Variants in SLC24A2 observed in about 807,000 individuals in gnomAD.
SLC24A2 encodes sodium/potassium/calcium exchanger 2.
SLC24A2 carries 36 observed loss-of-function variants against 62.0 expected under a neutral mutation model. The ratio of observed to expected loss-of-function variants is 0.58; its 90% CI spans 0.44 to 0.77. SLC24A2 has a LOEUF of 0.77. Among genes scored for constraint, SLC24A2 ranks in the 30% least tolerant of loss-of-function variants. SLC24A2 has a pLI of 0.00. For synonymous variants in SLC24A2, 358 were observed against 294.0 expected (o/e 1.22, Z -2.23); for missense variants, 846 against 817.9 (o/e 1.03, Z -0.42).
intron 2 of SLC24A2, among the ~76,000 whole-genome samples, chr9:19,713,991 A>G (rs1320945595): frequency 6.6e-6 from 1 of 152,230 alleles, no homozygotes; most frequent in African/African-American, 2.4e-5. Context: ...ACCTGGATCT[A>G]GCCAATTATT....
At chr9:20,104,213 C>T in the SLC24A2 span, among the ~76,000 whole-genome samples, 1 of 152,212 alleles carries the variant, frequency 6.6e-6, no homozygotes, top group African/African-American at 2.4e-5. Context: ...AAGACCAAAT[C>T]TACATCTGAT....
chr9:20,305,111 T>C, the SLC24A2 span, among the ~76,000 whole-genome samples: 2 of 82,470 alleles, frequency 2.4e-5, no homozygotes, highest in African/African-American at 9.8e-5. Context: ...GGATAATACC[T>C]TTTTTTTTTT....
the SLC24A2 span, among the ~76,000 whole-genome samples, chr9:20,111,607 G>A: frequency 6.6e-6 from 1 of 152,126 alleles, no homozygotes. Context: ...CTGAGAGCTT[G>A]TTAGAAATGT....
At chr9:19,602,731 T>G (rs192687849) in intron 4 of SLC24A2, among the ~76,000 whole-genome samples, 2 of 152,316 alleles carry the variant, frequency 1.3e-5, no homozygotes, top group African/African-American at 4.8e-5. Flanking sequence ...TTTCTACCTG[T>G]GTGGTCTTGG....
chr9:19,730,678 T>C (rs1414516155), intron 2 of SLC24A2, among the ~76,000 whole-genome samples: 1 of 152,200 alleles, frequency 6.6e-6, no homozygotes, highest in Non-Finnish European at 1.5e-5. Flanking sequence ...CATATGTATA[T>C]TGACAATGGT....
At chr9:19,969,186 C>CACACAA in the SLC24A2 span, among the ~76,000 whole-genome samples, 4 of 132,234 alleles carry the variant, frequency 3.0e-5, no homozygotes, top group African/African-American at 1.1e-4. Flanking sequence ...TCCTTTGCCA[C>CACACAA]ACACACACAC....
the SLC24A2 span, among the ~76,000 whole-genome samples, chr9:20,224,016 T>C: frequency 6.6e-6 from 1 of 151,906 alleles, no homozygotes; most frequent in Non-Finnish European, 1.5e-5. Context: ...ACAAACACTT[T>C]AAACCATCAG....
At chr9:19,930,224 C>T in the SLC24A2 span, among the ~76,000 whole-genome samples, 2 of 152,172 alleles carry the variant, frequency 1.3e-5, no homozygotes, top group Admixed American at 1.3e-4. Flanking sequence ...ACTTCCAGTC[C>T]TGCAAGCTCC....
At chr9:20,105,772 C>T in the SLC24A2 span, among the ~76,000 whole-genome samples, 14 of 152,120 alleles carry the variant, frequency 9.2e-5, no homozygotes, top group Admixed American at 3.3e-4. Context: ...GACACCCTAA[C>T]ATCACAATTA....
chr9:20,253,779 G>C, the SLC24A2 span, among the ~76,000 whole-genome samples: 101,495 of 152,036 alleles, frequency 0.67, 36,396 homozygotes, highest in East Asian at 0.95. Context: ...ACTTGGAGGA[G>C]AGAGTGACAC....
At chr9:20,071,263 G>A in the SLC24A2 span, among the ~76,000 whole-genome samples, 1 of 151,870 alleles carries the variant, frequency 6.6e-6, no homozygotes, top group East Asian at 1.9e-4. Flanking sequence ...TGGAATAATG[G>A]AGCCAGCAAG....
At chr9:20,191,453 A>G in the SLC24A2 span, among the ~76,000 whole-genome samples, 2 of 152,044 alleles carry the variant, frequency 1.3e-5, no homozygotes, top group Non-Finnish European at 2.9e-5. Flanking sequence ...TAAGTACACT[A>G]TAGGAGGTGA....
chr9:20,078,941 C>T, the SLC24A2 span, among the ~76,000 whole-genome samples: 1 of 152,192 alleles, frequency 6.6e-6, no homozygotes, highest in African/African-American at 2.4e-5. Flanking sequence ...ACACTAGTAA[C>T]TTTTTGTAGT....
the SLC24A2 span, among the ~76,000 whole-genome samples, chr9:20,070,598 C>T: frequency 6.6e-6 from 1 of 152,192 alleles, no homozygotes; most frequent in Non-Finnish European, 1.5e-5. Flanking sequence ...GGACTTTGCA[C>T]AGAATAACAG....
the SLC24A2 span, among the ~76,000 whole-genome samples, chr9:20,093,870 T>G: frequency 6.6e-6 from 1 of 152,206 alleles, no homozygotes. Flanking sequence ...GATACCCGAT[T>G]TACTCTGAAA....
chr9:20,079,521 C>T, the SLC24A2 span, among the ~76,000 whole-genome samples: 11 of 152,150 alleles, frequency 7.2e-5, no homozygotes, highest in African/African-American at 2.4e-4. Context: ...GGACATACTG[C>T]ACATTGGCCA....
chr9:20,035,187 A>C, the SLC24A2 span, among the ~76,000 whole-genome samples: 1 of 152,154 alleles, frequency 6.6e-6, no homozygotes, highest in Non-Finnish European at 1.5e-5. Flanking sequence ...CTGAACATCC[A>C]CAACAGTTAG....
rs965730041 is a variant in SLC24A2 at position 19,785,873 on chromosome 9, A to C, written c.930+64T>G. 5 of 1,609,544 alleles carry C rather than the reference A, an allele frequency of 3.1e-6. No individual in the cohort carries two copies. The African/African-American group carries it at 6.7e-5, about 22-fold the overall frequency. ...TCACATCAAAAGAACTGCAGATCTC[A>C]AAAACATAATAATTCAGAACCGTAG... On this transcript the variant is annotated intron_variant, in intron 2 of 10. Transcript: ENST00000341998.
the SLC24A2 span, among the ~76,000 whole-genome samples, chr9:20,037,444 C>T: frequency 6.6e-6 from 1 of 152,148 alleles, no homozygotes; most frequent in Non-Finnish European, 1.5e-5. Flanking sequence ...TCTGTTGATG[C>T]ACAATTAGGT....
Sources: gnomAD v4.1 joint callset for allele counts (sites outside exome capture counted in the v4.1 genomes callset) on GRCh38, gnomAD v4.1.1 for gene constraint, MANE v1.5 for transcripts, NCBI Gene and HGNC (gene_info 2026-07-23, HGNC 2026-07-21) for gene names.